The following PPFIA1 variants were observed in gnomAD, a reference collection of about 807,000 sequenced individuals.
PPFIA1 encodes PPFI scaffold protein A1, also known as liprin-alpha-1.
Under a neutral mutation model 149.9 loss-of-function variants are expected in PPFIA1, and 25 were observed. The ratio of observed to expected loss-of-function variants is 0.17; its 90% CI spans 0.12 to 0.23. The LOEUF (loss-of-function observed/expected upper bound fraction) is 0.23, where lower values mean the gene tolerates loss of function less well. PPFIA1 is among the 10% of genes least tolerant of loss of function. PPFIA1 has a pLI of 1.00. For synonymous variants in PPFIA1, 549 were observed against 552.8 expected, an observed-to-expected ratio of 0.99 and a Z score of 0.10; for missense variants, 1,362 against 1,506.5, an observed-to-expected ratio of 0.90 and a Z score of 1.59.
chr11:70,352,303 G>C (rs1403153300), intron 16 of PPFIA1, among the ~76,000 whole-genome samples: 5 of 152,170 alleles, frequency 3.3e-5, no homozygotes, highest in African/African-American at 1.2e-4. Context: ...AGTGGCATTG[G>C]ACCTGTGGCT....
chr11:70,319,666 G>A (rs554589702), intron 2 of PPFIA1, among the ~76,000 whole-genome samples: 4 of 152,260 alleles, frequency 2.6e-5, no homozygotes, highest in Admixed American at 1.3e-4. Context: ...AGTCCTCAAA[G>A]CCTGTAGATA....
At chr11:70,301,206 TTGA>T (rs2052466649) in intron 2 of PPFIA1, among the ~76,000 whole-genome samples, 1 of 152,352 alleles carries the variant, frequency 6.6e-6, no homozygotes, top group African/African-American at 2.4e-5. Context: ...ATAAGTAGAC[TTGA>T]TGAGAACTAA....
At chr11:70,340,132 C>T (rs2055227758) in intron 14 of PPFIA1, among the ~76,000 whole-genome samples, 2 of 149,584 alleles carry the variant, frequency 1.3e-5, no homozygotes, top group African/African-American at 4.9e-5. Context: ...ACCCCTGTCT[C>T]TATTAAAAAA....
At chr11:70,344,309 G>A (rs1704692255) in intron 15 of PPFIA1, among the ~76,000 whole-genome samples, 1 of 152,230 alleles carries the variant, frequency 6.6e-6, no homozygotes, top group African/African-American at 2.4e-5. Context: ...GATGAAAGGT[G>A]TGCACGGTGG....
At chr11:70,296,542 C>T (rs965165752) in intron 2 of PPFIA1, among the ~76,000 whole-genome samples, 8 of 152,044 alleles carry the variant, frequency 5.3e-5, no homozygotes, top group South Asian at 2.1e-4. Context: ...ACCAGTCAGG[C>T]GTGGCGGTGC....
At chr11:70,352,224 C>T (rs949334857) in intron 16 of PPFIA1, among the ~76,000 whole-genome samples, 1 of 152,062 alleles carries the variant, frequency 6.6e-6, no homozygotes, top group East Asian at 1.9e-4. Context: ...AGTTTGTGAC[C>T]TGGAGTCTGT....
At chr11:70,361,325 C>T (rs1245089361) in intron 19 of PPFIA1, among the ~76,000 whole-genome samples, 4 of 152,142 alleles carry the variant, frequency 2.6e-5, no homozygotes, top group African/African-American at 4.8e-5. Context: ...ATGGTATTTC[C>T]GTATCACGTA....
At chr11:70,289,685 A>G (rs2051393386) in intron 2 of PPFIA1, among the ~76,000 whole-genome samples, 2 of 152,230 alleles carry the variant, frequency 1.3e-5, no homozygotes, top group African/African-American at 4.8e-5. Context: ...TGCATTTTAT[A>G]AACTTTTTAA....
At chr11:70,296,524 A>G (rs995795815) in intron 2 of PPFIA1, among the ~76,000 whole-genome samples, 1 of 152,122 alleles carries the variant, frequency 6.6e-6, no homozygotes, top group Non-Finnish European at 1.5e-5. Context: ...CACCAAAAAA[A>G]TACGAAAACC....
At chr11:70,278,189 G>A (rs543032894) in intron 2 of PPFIA1, among the ~76,000 whole-genome samples, 24 of 151,622 alleles carry the variant, frequency 1.6e-4, no homozygotes, top group Non-Finnish European at 2.5e-4. Flanking sequence ...GATTACAGGC[G>A]TGAGCCACCA....
intron 2 of PPFIA1, among the ~76,000 whole-genome samples, chr11:70,307,736 A>C (rs918058092): frequency 6.6e-6 from 1 of 151,812 alleles, no homozygotes; most frequent in Non-Finnish European, 1.5e-5. Context: ...CCTGGGCAAC[A>C]TAGACAGACC....
At chr11:70,380,813 C>T (rs905150805) in intron 26 of PPFIA1, among the ~76,000 whole-genome samples, 3 of 151,468 alleles carry the variant, frequency 2.0e-5, no homozygotes, top group African/African-American at 7.3e-5. Context: ...CATTAAATAA[C>T]TCAGGCACAA....
At chr11:70,303,199 C>T (rs1045492136) in intron 2 of PPFIA1, among the ~76,000 whole-genome samples, 4 of 152,128 alleles carry the variant, frequency 2.6e-5, no homozygotes, top group South Asian at 2.1e-4. Context: ...CCCGGTCTGA[C>T]GCAGTGTCGG....
intron 7 of PPFIA1, among the ~76,000 whole-genome samples, chr11:70,329,677 T>G (rs2054540236): frequency 6.6e-6 from 1 of 152,188 alleles, no homozygotes; most frequent in African/African-American, 2.4e-5. Context: ...CCTAACACTT[T>G]GGGAGGCCAA....
intron 21 of PPFIA1, 51 bp from the exon 22 acceptor site, chr11:70,372,164 C>T: frequency 1.3e-6 from 2 of 1,497,770 alleles, no homozygotes; most frequent in South Asian, 2.7e-5. Context: ...ATGATATAAA[C>T]TACTTTTGAG....
intron 2 of PPFIA1, among the ~76,000 whole-genome samples, chr11:70,277,060 A>ATATATATATATTTT: frequency 1.2e-4 from 8 of 66,310 alleles, no homozygotes; most frequent in African/African-American, 8.2e-4. Flanking sequence ...ATATATATAT[A>ATATATATATATTTT]TTTTTTTTTT....
At chr11:70,372,777 G>C (rs560845985) in intron 23 of PPFIA1, among the ~76,000 whole-genome samples, 1 of 152,220 alleles carries the variant, frequency 6.6e-6, no homozygotes, top group Non-Finnish European at 1.5e-5. Context: ...ACTGTTCCCT[G>C]TGTTCTCACA....
intron 16 of PPFIA1, chr11:70,354,084 C>A (rs2056224334): frequency 5.9e-6 from 3 of 504,542 alleles, no homozygotes; most frequent in East Asian, 3.4e-5. Context: ...TCCTGTTGGG[C>A]CCCAGCGCAC....
rs766552247 is a variant in PPFIA1 at position 70,339,156 on chromosome 11, T to C, written c.1572-15T>C. Reference sequence around the variant, plus strand: ...TTTCTTCTAATAATGATCATTCTTATTTTTCATGTTTCAGCCGACCCCACT... The same window carrying C: ...TTTCTTCTAATAATGATCATTCTTACTTTTCATGTTTCAGCCGACCCCACT... On this transcript the variant is annotated splice_polypyrimidine_tract_variant and intron_variant, in intron 13 of 27. Coordinates refer to ENST00000253925, the MANE Select transcript of PPFIA1 (RefSeq NM_003626.5). 3.1e-6 allele frequency: 5 copies of C among 1,612,324 alleles called. No individual in the cohort carries two copies. Among genetic ancestry groups the C allele is most frequent in the East Asian group, 4.5e-5 (2 of 44,884 alleles).
Sources: gnomAD v4.1 joint callset for allele counts (sites outside exome capture counted in the v4.1 genomes callset) on GRCh38, gnomAD v4.1.1 for gene constraint, MANE v1.5 for transcripts, NCBI Gene and HGNC (gene_info 2026-07-23, HGNC 2026-07-21) for gene names.